The following EML1 variants were observed in gnomAD, a reference collection of about 807,000 sequenced individuals.
The protein encoded by EML1 is EMAP like 1.
Under a neutral mutation model 110.4 loss-of-function variants are expected in EML1, and 27 were observed. That is an observed-to-expected ratio of 0.24 (90% CI 0.18 to 0.34). The LOEUF is 0.34. EML1 is among the 10% of genes least tolerant of loss of function. The probability of loss-of-function intolerance (pLI) is 1.00; values close to 1 mark genes in which losing one functional copy is unlikely to be tolerated. For missense variants in EML1, 741 were observed against 1,030.9 expected, an observed-to-expected ratio of 0.72 and a Z score of 3.85; for synonymous variants, 344 against 385.8, an observed-to-expected ratio of 0.89 and a Z score of 1.27.
chr14:99,897,084 T>C, intron 6 of EML1, 61 bp from the exon 7 acceptor site: 8 of 1,415,006 alleles, frequency 5.7e-6, no homozygotes, highest in Non-Finnish European at 7.5e-6. Flanking sequence ...GCCTGTTGAA[T>C]AAAGCTGATG....
At position 99,909,418 on chromosome 14, in the gene EML1, C is replaced by T. The variant is rs1270379365; in HGVS notation, c.1178C>T (p.Ser393Leu). ...DTNIIVTCGK[S>L]HLYFWTLEGS... ...AACATCATAGTTACTTGTGGAAAATCACATCTCTACTTTTGGACACTAGAA... is the reference window on the plus strand; with the variant it reads ...AACATCATAGTTACTTGTGGAAAATTACATCTCTACTTTTGGACACTAGAA... The change falls in exon 11 of 22, where the codon TCA becomes TTA. Residue 393 changes from serine (S) to leucine (L), a missense_variant. This residue lies in a region of EML1 where 388 missense variants were observed against 605.6 expected (regional missense o/e 0.64). Transcript: ENST00000262233. 1 of 1,614,122 alleles carries T rather than the reference C, an allele frequency of 6.2e-7. No individual in the cohort carries two copies. The highest frequency in any genetic ancestry group is 2.2e-5 in the East Asian group (1 of 44,872).
chr14:99,930,571 C>T (rs554482188), intron 17 of EML1, among the ~76,000 whole-genome samples: 4 of 152,326 alleles, frequency 2.6e-5, no homozygotes, highest in East Asian at 3.9e-4. Context: ...ACTAATGTTA[C>T]GTGAAAGTTT....
chr14:99,930,942 A>C (rs573431816), intron 17 of EML1, among the ~76,000 whole-genome samples: 1 of 152,168 alleles, frequency 6.6e-6, no homozygotes, highest in African/African-American at 2.4e-5. Context: ...GATCTTATCC[A>C]TGTCATTGTT....
At chr14:99,842,256 G>A (rs999786677) in intron 1 of EML1, among the ~76,000 whole-genome samples, 2 of 152,208 alleles carry the variant, frequency 1.3e-5, no homozygotes, top group Non-Finnish European at 2.9e-5. Context: ...CAAATGGTTT[G>A]TGTTGGTTAA....
chr14:99,937,478 C>A (rs1237858151), intron 19 of EML1, among the ~76,000 whole-genome samples: 1 of 151,368 alleles, frequency 6.6e-6, no homozygotes, highest in East Asian at 2.0e-4. Context: ...GGCCTGACCG[C>A]AGAGGCAGAG....
At chr14:99,831,827 C>A (rs1397524428) in intron 1 of EML1, among the ~76,000 whole-genome samples, 1 of 150,732 alleles carries the variant, frequency 6.6e-6, no homozygotes, top group Non-Finnish European at 1.5e-5. Flanking sequence ...TTTTTCTTTT[C>A]ATTTTTTACT....
rs57818494 is a variant in EML1, at chr14:99,796,186, C to CAGAGAGAGAGAGAGAGAG, written c.67+2671_67+2688dup. The stretch of plus-strand genomic sequence containing the variant: ...TGGGTGACAAAGTGAGACCCTGTCT[C>CAGAGAGAGAGAGAGAGAG]AGAGAGAGAGAGAGAGAGAGAGAGA... On this transcript the variant is annotated intron_variant, in intron 1 of 21. Coordinates refer to ENST00000262233, the MANE Select transcript of EML1 (RefSeq NM_004434.3). 4.5e-3 allele frequency among the ~76,000 whole-genome samples: 537 copies of CAGAGAGAGAGAGAGAGAG among 119,240 alleles called. 14 individuals carry two copies. The highest frequency in any genetic ancestry group is 0.011 in the East Asian group (47 of 4,176). The allele number at this position is 119,240 out of a possible 152,430, so 78.2% of individuals were successfully genotyped here. A position where few individuals can be genotyped will look rare whatever the true frequency, so the allele number is the denominator to read the frequency against.
intron 1 of EML1, among the ~76,000 whole-genome samples, chr14:99,831,549 G>A (rs1236960449): frequency 1.3e-5 from 2 of 152,132 alleles, no homozygotes; most frequent in African/African-American, 4.8e-5. Flanking sequence ...TAAAATGGTG[G>A]GAGGCATACA....
chr14:99,874,947 A>C, intron 3 of EML1: 7 of 1,613,644 alleles, frequency 4.3e-6, no homozygotes, highest in Admixed American at 1.7e-5. Context: ...CAGATCTGTG[A>C]GTCTTCTCAA....
intron 2 of EML1, among the ~76,000 whole-genome samples, chr14:99,860,647 T>C (rs2058987687): frequency 6.6e-6 from 1 of 152,236 alleles, no homozygotes; most frequent in Non-Finnish European, 1.5e-5. Flanking sequence ...GTAAGCGTGC[T>C]GGTGGTGGGG....
chr14:99,914,478 C>T, intron 14 of EML1, 88 bp from the exon 15 acceptor site: 1 of 1,532,584 alleles, frequency 6.5e-7, no homozygotes, highest in South Asian at 1.3e-5. Context: ...ATGAAGTCAG[C>T]ATGAAGCCTC....
At chr14:99,768,420 C>T (rs540876647), upstream of EML1, among the ~76,000 whole-genome samples, 7 of 151,970 alleles carry the variant, frequency 4.6e-5, no homozygotes, top group Non-Finnish European at 1.0e-4. Flanking sequence ...GGAGCTGCCT[C>T]GGAGGAAGAG....
At chr14:99,931,223 C>T (rs2060361316) in intron 17 of EML1, among the ~76,000 whole-genome samples, 2 of 152,236 alleles carry the variant, frequency 1.3e-5, no homozygotes, top group South Asian at 2.1e-4. Flanking sequence ...TGTTCCTACA[C>T]CTGCAGACCA....
At chr14:99,901,852 G>A (rs923703355) in intron 9 of EML1, among the ~76,000 whole-genome samples, 10 of 152,138 alleles carry the variant, frequency 6.6e-5, no homozygotes, top group African/African-American at 2.4e-4. Context: ...AACCACCTGG[G>A]AATGCAGCCC....
intron 1 of EML1, among the ~76,000 whole-genome samples, chr14:99,844,201 C>T (rs1450762629): frequency 2.0e-5 from 3 of 152,174 alleles, no homozygotes; most frequent in Non-Finnish European, 1.5e-5. Context: ...CAAAACCAGG[C>T]CAGGCGCAGT....
intron 17 of EML1, among the ~76,000 whole-genome samples, chr14:99,924,949 G>T (rs984933984): frequency 1.6e-4 from 24 of 152,172 alleles, no homozygotes; most frequent in African/African-American, 5.8e-4. Context: ...TAATCATGGT[G>T]TATAATCCCT....
chr14:99,912,220 A>T (rs1005174281), intron 13 of EML1, among the ~76,000 whole-genome samples: 2 of 152,156 alleles, frequency 1.3e-5, no homozygotes. Context: ...TTTTGGAGAC[A>T]TTATTGCATT....
In EML1 at chr14:99,914,568, T is replaced by C; in HGVS notation, c.1623T>C (p.Gly541=). The C allele has an allele frequency of 6.3e-7, 1 of 1,590,718 alleles. No homozygotes were observed. The highest frequency in any genetic ancestry group is 8.5e-7 in the Non-Finnish European group (1 of 1,174,030). ...LSGDFTPITQ[G]HTDELWGLAI... is the part of the protein sequence containing the mutation. Reference sequence around the variant, plus strand: ...CTGTTTGTCTTGGTTATTTGTAGGGTCACACTGATGAGCTCTGGGGACTGG... The same window carrying C: ...CTGTTTGTCTTGGTTATTTGTAGGGCCACACTGATGAGCTCTGGGGACTGG... The change falls in exon 15 of 22, where the codon GGT becomes GGC. Residue 541 remains glycine (G), a splice_region_variant and synonymous_variant. Transcript: ENST00000262233.
chr14:99,817,213 G>T (rs78540652), intron 1 of EML1, among the ~76,000 whole-genome samples: 1 of 152,144 alleles, frequency 6.6e-6, no homozygotes, highest in South Asian at 2.1e-4. Flanking sequence ...ACACTCAGGT[G>T]TGAAGAACCC....
Sources: allele counts gnomAD v4.1 joint callset (sites outside exome capture counted in the v4.1 genomes callset), GRCh38; gene constraint gnomAD v4.1.1; regional missense constraint gnomAD v4.1.1; transcripts MANE v1.5; gene names NCBI Gene and HGNC (gene_info 2026-07-23, HGNC 2026-07-21).